The following MAPK10 variants were observed in gnomAD, a reference collection of about 807,000 sequenced individuals.
MAPK10 encodes the protein mitogen-activated protein kinase 10.
A neutral mutation model predicts 59.3 loss-of-function variants in MAPK10; 25 were observed. The observed-to-expected ratio is 0.42, with a 90% CI of 0.31 to 0.59. MAPK10 has a LOEUF of 0.59. Ranked by LOEUF, MAPK10 falls within the 20% of genes least tolerant of loss-of-function variation. The probability of loss-of-function intolerance (pLI) is 0.15; values close to 1 mark genes in which losing one functional copy is unlikely to be tolerated. For missense variants in MAPK10, 351 were observed against 568.9 expected, an observed-to-expected ratio of 0.62 and a Z score of 3.90; for synonymous variants, 190 against 200.5, an observed-to-expected ratio of 0.95 and a Z score of 0.44.
chr4:86,122,430 G>A (rs1477967868), intron 4 of MAPK10, among the ~76,000 whole-genome samples: 1 of 152,038 alleles, frequency 6.6e-6, no homozygotes, highest in Non-Finnish European at 1.5e-5. Flanking sequence ...CCACCTCTTG[G>A]TAGCCATTGC....
chr4:86,399,833 A>T (rs1395611366), intron 1 of MAPK10: 1 of 152,232 alleles, frequency 6.6e-6, no homozygotes, highest in Non-Finnish European at 1.5e-5. Context: ...ATAGAGGAGG[A>T]AACAGTTAGT....
intron 4 of MAPK10, among the ~76,000 whole-genome samples, chr4:86,146,473 C>T (rs987047240): frequency 1.3e-5 from 2 of 152,116 alleles, no homozygotes; most frequent in African/African-American, 4.8e-5. Context: ...TTTTCCTTTT[C>T]TTGGGCACAC....
At chr4:86,246,268 A>G (rs1583440366) in intron 2 of MAPK10, among the ~76,000 whole-genome samples, 1 of 152,124 alleles carries the variant, frequency 6.6e-6, no homozygotes, top group East Asian at 1.9e-4. Context: ...TGTCTCCACT[A>G]AAAACACAAA....
intron 9 of MAPK10, among the ~76,000 whole-genome samples, chr4:86,075,712 CA>C (rs781323677): frequency 6.6e-6 from 1 of 152,052 alleles, no homozygotes; most frequent in Non-Finnish European, 1.5e-5. Flanking sequence ...TCTCGGGGGT[CA>C]GGGGTCAGGG....
At position 86,014,854 on chromosome 4, in the gene MAPK10, C is replaced by T. The variant is rs1352988032; in HGVS notation, c.*2374G>A. The T allele has an allele frequency of 6.6e-6, 1 of 151,878 alleles. No individual in the cohort carries two copies. The highest frequency in any genetic ancestry group is 1.5e-5 in the Non-Finnish European group (1 of 67,974). The allele number at this position is 151,878 out of a possible 1,614,324, so 9.4% of individuals were successfully genotyped here. On this transcript the variant is annotated 3_prime_UTR_variant, in exon 14 of 14. Coordinates refer to ENST00000641462, the MANE Select transcript of MAPK10 (RefSeq NM_138982.4). ...ATGTCATCTTGCGGCTGATGAAATT[C>T]CCCTTGAGACTCTCTTTAAAGCAGC...
chr4:86,367,408 G>C (rs6839160), intron 1 of MAPK10, among the ~76,000 whole-genome samples: 110,913 of 151,898 alleles, frequency 0.73, 41,103 homozygotes, highest in South Asian at 0.9. Flanking sequence ...TTGGGGAACA[G>C]TGGCTTTTTG....
chr4:86,397,117 T>C (rs1386397419), intron 1 of MAPK10, among the ~76,000 whole-genome samples: 1 of 152,078 alleles, frequency 6.6e-6, no homozygotes, highest in Non-Finnish European at 1.5e-5. Flanking sequence ...GAACACATAA[T>C]AGAAAGAGAA....
rs866349736 is a variant in MAPK10, at chr4:86,528,196, G to A, written c.-263+65714C>T. On this transcript the variant is annotated intron_variant, in intron 1 of 4. Transcript: ENST00000502302. ...TTTTAAAAACACACAGAGAGAAAAG[G>A]AAACTTTGGAAAAGAAATGTAACCA... Among the ~76,000 whole-genome samples the A allele has an allele frequency of 3.9e-5, 6 of 152,150 alleles. No homozygotes were observed. In the South Asian group the frequency reaches 8.3e-4, roughly 21 times the overall value.
intron 1 of MAPK10, among the ~76,000 whole-genome samples, chr4:86,446,431 G>T (rs980065151): frequency 1.3e-4 from 20 of 151,978 alleles, no homozygotes; most frequent in Admixed American, 7.9e-4. Context: ...GCTCTGGCTG[G>T]TTGAAAACTC....
chr4:86,013,342 G>A lies in MAPK10; in HGVS notation c.*3886C>T, dbSNP rs375787941. 20 of 152,252 alleles carry A rather than the reference G, an allele frequency of 1.3e-4. No individual in the cohort carries two copies. The highest frequency in any genetic ancestry group is 4.8e-4 in the African/African-American group (20 of 41,538). 9.4% of individuals were successfully genotyped at this position (152,252 alleles called of 1,614,324 possible). A position where few individuals can be genotyped will look rare whatever the true frequency, so the allele number is the denominator to read the frequency against. Reference sequence around the variant, plus strand: ...CTCTTATAATTAAAATGTGTGTGGGGGATTGTGAGTGGGGAGTTGGGTTCC... The same window carrying A: ...CTCTTATAATTAAAATGTGTGTGGGAGATTGTGAGTGGGGAGTTGGGTTCC... On this transcript the variant is annotated 3_prime_UTR_variant, in exon 14 of 14. Transcript: ENST00000641462.
intron 1 of MAPK10, among the ~76,000 whole-genome samples, chr4:86,499,610 C>T (rs1002802203): frequency 1.3e-5 from 2 of 152,158 alleles, no homozygotes; most frequent in Admixed American, 1.3e-4. Context: ...TTGCTTTAAT[C>T]GTTGATTTTG....
At chr4:86,199,548 G>T (rs2082149850) in intron 2 of MAPK10, among the ~76,000 whole-genome samples, 3 of 151,928 alleles carry the variant, frequency 2.0e-5, no homozygotes, top group Non-Finnish European at 2.9e-5. Flanking sequence ...AAATCCAAGA[G>T]ATGAGATAAT....
chr4:86,125,164 TTAAA>T (rs2059875215), intron 4 of MAPK10: 1 of 151,884 alleles, frequency 6.6e-6, no homozygotes, highest in African/African-American at 2.4e-5. Flanking sequence ...GTTATATATA[TTAAA>T]TGTGTCAATA....
intron 1 of MAPK10, among the ~76,000 whole-genome samples, chr4:86,370,018 T>C (rs1738514510): frequency 6.6e-6 from 1 of 152,182 alleles, no homozygotes; most frequent in Admixed American, 6.6e-5. Flanking sequence ...TCAATAGATA[T>C]TGAACATTCT....
chr4:86,096,837 A>T (rs550457394), intron 9 of MAPK10, among the ~76,000 whole-genome samples: 2 of 152,148 alleles, frequency 1.3e-5, no homozygotes, highest in African/African-American at 4.8e-5. Context: ...TAGCCATATG[A>T]AATCTAATGG....
chr4:86,510,710 A>C (rs1756162625), intron 1 of MAPK10, among the ~76,000 whole-genome samples: 1 of 152,318 alleles, frequency 6.6e-6, no homozygotes, highest in Non-Finnish European at 1.5e-5. Flanking sequence ...GCCATTAATA[A>C]AGAGTAAAAT....
upstream of MAPK10, among the ~76,000 whole-genome samples, chr4:86,363,435 A>T (rs1578909291): frequency 1.3e-5 from 2 of 152,308 alleles, no homozygotes; most frequent in East Asian, 3.9e-4. Context: ...GGCAACCAGA[A>T]ACAGGTTAAT....
chr4:86,239,954 C>G (rs1489368753), intron 2 of MAPK10, among the ~76,000 whole-genome samples: 1 of 151,926 alleles, frequency 6.6e-6, no homozygotes, highest in African/African-American at 2.4e-5. Context: ...GGGTGTTGAT[C>G]TGAGATCTTT....
At chr4:86,079,486 A>C (rs751943960) in intron 9 of MAPK10, 2 of 152,166 alleles carry the variant, frequency 1.3e-5, no homozygotes, top group Non-Finnish European at 2.9e-5. Context: ...TATTTTTTGT[A>C]AATAGCACCC....
Sources: allele counts gnomAD v4.1 joint callset (sites outside exome capture counted in the v4.1 genomes callset), GRCh38; gene constraint gnomAD v4.1.1; transcripts MANE v1.5; gene names NCBI Gene and HGNC (gene_info 2026-07-23, HGNC 2026-07-21).